MPP7: variants seen among roughly 807,000 people sequenced by gnomAD.
MPP7 encodes MAGUK p55 subfamily member 7.
A neutral mutation model predicts 76.5 loss-of-function variants in MPP7; 60 were observed. The observed-to-expected ratio is 0.78, with a 90% CI of 0.64 to 0.97. The LOEUF is 0.97. Ranked by LOEUF, MPP7 falls within the 50% of genes least tolerant of loss-of-function variation. The pLI, the probability that MPP7 is intolerant of heterozygous loss-of-function variation, is 0.00. For missense variants in MPP7, 641 were observed against 694.0 expected (o/e 0.92, Z 0.86); for synonymous variants, 237 against 244.5 (o/e 0.97, Z 0.29).
intron 5 of MPP7, among the ~76,000 whole-genome samples, chr10:28,140,623 T>C (rs1218721888): frequency 6.6e-6 from 1 of 152,184 alleles, no homozygotes; most frequent in Non-Finnish European, 1.5e-5. Flanking sequence ...AATATGTATA[T>C]TAATAGCACT....
chr10:28,253,323 T>A (rs1839676910), intron 1 of MPP7, among the ~76,000 whole-genome samples: 1 of 151,644 alleles, frequency 6.6e-6, no homozygotes, highest in African/African-American at 2.4e-5. Context: ...AGCTGGGGAG[T>A]TTAAGACTAA....
chr10:28,126,823 C>G (rs1300229897), intron 6 of MPP7, among the ~76,000 whole-genome samples: 1 of 152,246 alleles, frequency 6.6e-6, no homozygotes, highest in East Asian at 1.9e-4. Context: ...CTATGCGAAT[C>G]TCACTGCCAT....
At chr10:28,321,966 TGTGTGTGTG>T (rs1834372407) in intron 2 of MPP7, among the ~76,000 whole-genome samples, 1 of 151,434 alleles carries the variant, frequency 6.6e-6, no homozygotes, top group Non-Finnish European at 1.5e-5. Context: ...TGTGTGTGTG[TGTGTGTGTG>T]TGTGTGTGTG....
chr10:28,197,763 T>C (rs1488486468), intron 3 of MPP7, among the ~76,000 whole-genome samples: 6 of 152,116 alleles, frequency 3.9e-5, no homozygotes, highest in Admixed American at 3.9e-4. Context: ...ACCCAACAAA[T>C]AGTATCAATC....
chr10:28,119,558 A>T (rs1180672322), intron 11 of MPP7, 93 bp downstream of exon 11: 1 of 947,680 alleles, frequency 1.1e-6, no homozygotes, highest in Non-Finnish European at 1.7e-6. Context: ...TGCTAGGGTA[A>T]TAGGACCCTT....
intron 3 of MPP7, among the ~76,000 whole-genome samples, chr10:28,192,643 G>T (rs1366633744): frequency 6.6e-6 from 1 of 152,078 alleles, no homozygotes; most frequent in Admixed American, 6.6e-5. Context: ...ATAAATTGAG[G>T]AATATTCCAT....
chr10:28,179,897 G>A (rs1177830482), intron 3 of MPP7, among the ~76,000 whole-genome samples: 1 of 152,054 alleles, frequency 6.6e-6, no homozygotes, highest in Non-Finnish European at 1.5e-5. Context: ...CAAATAAAAT[G>A]TATTTTTAAA....
chr10:28,269,487 G>A (rs1197369275), intron 1 of MPP7, among the ~76,000 whole-genome samples: 1 of 151,804 alleles, frequency 6.6e-6, no homozygotes, highest in Non-Finnish European at 1.5e-5. Flanking sequence ...CAATTGGCTG[G>A]AGAACTTCAC....
At chr10:28,067,013 A>G (rs2133354540) in intron 13 of MPP7, among the ~76,000 whole-genome samples, 1 of 152,320 alleles carries the variant, frequency 6.6e-6, no homozygotes, top group African/African-American at 2.4e-5. Context: ...ATAGCTCAGT[A>G]CGTGTCTTTT....
chr10:28,138,626 T>C (rs73608041), intron 5 of MPP7, among the ~76,000 whole-genome samples: 3,295 of 152,324 alleles, frequency 0.022, 100 homozygotes, highest in African/African-American at 0.072. Context: ...TGTTACAGAA[T>C]GACAAGTCAT....
In MPP7 at chr10:28,053,810, C is replaced by T. The variant is rs1212924855; in HGVS notation, c.*255G>A. On this transcript the variant is annotated 3_prime_UTR_variant, in exon 17 of 17. Coordinates refer to ENST00000683449, the MANE Select transcript of MPP7 (RefSeq NM_001318170.2). The stretch of plus-strand genomic sequence containing the variant: ...TTTCAGCCTCATCTTGGAGATAGAG[C>T]GGTATTGAAGACAACGAGAAGGTTT... 3.7e-5 allele frequency: 16 copies of T among 428,926 alleles called. No homozygotes were observed. The highest frequency in any genetic ancestry group is 2.6e-4 in the Admixed American group (6 of 23,114). The allele number at this position is 428,926 out of a possible 1,614,324, so 26.6% of individuals were successfully genotyped here. A position where few individuals can be genotyped will look rare whatever the true frequency, so the allele number is the denominator to read the frequency against.
intron 3 of MPP7, among the ~76,000 whole-genome samples, chr10:28,200,718 C>G (rs7922685): frequency 0.3 from 45,748 of 152,076 alleles, 8,388 homozygotes; most frequent in African/African-American, 0.49. Flanking sequence ...CCAAAAAACT[C>G]AGATCTTCGC....
intron 3 of MPP7, among the ~76,000 whole-genome samples, chr10:28,191,487 A>G (rs1375696656): frequency 1.3e-5 from 2 of 152,216 alleles, no homozygotes; most frequent in Non-Finnish European, 2.9e-5. Flanking sequence ...AAATGCTCTG[A>G]AATCTGAAAT....
At chr10:28,268,461 G>A (rs192823436) in intron 1 of MPP7, among the ~76,000 whole-genome samples, 6 of 152,116 alleles carry the variant, frequency 3.9e-5, no homozygotes, top group African/African-American at 1.4e-4. Flanking sequence ...GCCAGGCGCG[G>A]TGGCTCATGC....
intron 1 of MPP7, among the ~76,000 whole-genome samples, chr10:28,262,210 TATATATATATATATAC>T (rs1839986599): frequency 1.2e-4 from 1 of 8,194 alleles, no homozygotes; most frequent in African/African-American, 2.3e-4. Flanking sequence ...TATATATACA[TATATATATATATATAC>T]ATATATATAT....
chr10:28,205,447 G>C (rs1309721376), intron 2 of MPP7, among the ~76,000 whole-genome samples: 1 of 152,130 alleles, frequency 6.6e-6, no homozygotes, highest in Non-Finnish European at 1.5e-5. Context: ...GATAGCAGCA[G>C]ATATTTTTTA....
At chr10:28,118,064 G>T in intron 11 of MPP7, 1 of 956,458 alleles carries the variant, frequency 1.0e-6, no homozygotes, top group Non-Finnish European at 1.2e-6. Flanking sequence ...AAAGATAAAT[G>T]CTAGAATAAA....
chr10:28,221,765 T>A (rs1838516082), intron 2 of MPP7, among the ~76,000 whole-genome samples: 2 of 152,182 alleles, frequency 1.3e-5, no homozygotes, highest in Non-Finnish European at 2.9e-5. Flanking sequence ...TTAAAACATG[T>A]TCACTGGAGC....
intron 4 of MPP7, among the ~76,000 whole-genome samples, chr10:28,149,699 A>T (rs956824150): frequency 2.1e-5 from 3 of 145,002 alleles, no homozygotes; most frequent in Admixed American, 7.1e-5. Context: ...CCAACAGCTG[A>T]CAGCTTCTCT....
Sources: gnomAD v4.1 joint callset for allele counts (sites outside exome capture counted in the v4.1 genomes callset) on GRCh38, gnomAD v4.1.1 for gene constraint, MANE v1.5 for transcripts, NCBI Gene and HGNC (gene_info 2026-07-23, HGNC 2026-07-21) for gene names.